ZFHX3: variants seen among roughly 807,000 people sequenced by gnomAD.
ZFHX3 encodes zinc finger homeobox protein 3.
A neutral mutation model predicts 279.1 loss-of-function variants in ZFHX3; 42 were observed. The observed-to-expected ratio is 0.15, with a 90% CI of 0.12 to 0.19. The LOEUF (loss-of-function observed/expected upper bound fraction) is 0.19, where lower values mean the gene tolerates loss of function less well. Among genes scored for constraint, ZFHX3 ranks in the 10% least tolerant of loss-of-function variants. The pLI is 1.00. For missense variants in ZFHX3, 4,981 were observed against 4,754.0 expected, an observed-to-expected ratio of 1.05 and a Z score of -1.40; for synonymous variants, 2,293 against 1,957.8, an observed-to-expected ratio of 1.17 and a Z score of -4.52.
At chr16:73,708,454 T>G (rs1239027331) in intron 1 of ZFHX3, among the ~76,000 whole-genome samples, 1 of 152,186 alleles carries the variant, frequency 6.6e-6, no homozygotes, top group Non-Finnish European at 1.5e-5. Flanking sequence ...CCAGAAATAA[T>G]TACTGGGGGT....
intron 2 of ZFHX3, among the ~76,000 whole-genome samples, chr16:73,564,907 G>C (rs1650895201): frequency 6.6e-6 from 1 of 152,202 alleles, no homozygotes; most frequent in South Asian, 2.1e-4. Flanking sequence ...AAGCAAACTG[G>C]AATAGATGGG....
intron 3 of ZFHX3, among the ~76,000 whole-genome samples, chr16:72,895,162 A>G (rs2038869014): frequency 6.6e-6 from 1 of 152,166 alleles, no homozygotes; most frequent in South Asian, 2.1e-4. Flanking sequence ...CACACACACT[A>G]TGCCCAACCC....
In ZFHX3 at chr16:72,788,602, G is replaced by C; in HGVS notation, c.9674C>G (p.Pro3225Arg). ...AAQPPPTPQL[P>R]LQQQQQRKDK... is the part of the protein sequence containing the mutation. ...CTTGCGTTGCTGCTGCTGTTGCAGT[G>C]GGAGCTGTGGTGTGGGTGGCGGCTG... The change falls in exon 10 of 10, where the codon CCA becomes CGA. Residue 3225 changes from proline (P) to arginine (R), a missense_variant. Pro to Arg is a moderately radical substitution (Grantham distance 103). Transcript: ENST00000268489. 1 of 1,613,560 alleles carries C rather than the reference G, an allele frequency of 6.2e-7. No individual in the cohort carries two copies. The highest frequency in any genetic ancestry group is 1.1e-5 in the South Asian group (1 of 91,054).
chr16:72,967,132 A>G (rs1385184664), intron 1 of ZFHX3, among the ~76,000 whole-genome samples: 1 of 152,224 alleles, frequency 6.6e-6, no homozygotes, highest in African/African-American at 2.4e-5. Flanking sequence ...TGGGGGAAAT[A>G]GGAAAAAAGA....
intron 1 of ZFHX3, among the ~76,000 whole-genome samples, chr16:73,785,746 A>G (rs769790412): frequency 5.3e-5 from 8 of 152,162 alleles, no homozygotes; most frequent in Non-Finnish European, 1.0e-4. Context: ...CAGAGCTTCT[A>G]TTGGGAAAGC....
chr16:73,045,202 A>G (rs1278264829), intron 1 of ZFHX3, among the ~76,000 whole-genome samples: 3 of 152,232 alleles, frequency 2.0e-5, no homozygotes, highest in Non-Finnish European at 4.4e-5. Flanking sequence ...CAATAAGGAC[A>G]TGTTTCCTGG....
chr16:73,384,259 A>G (rs1453135306), intron 3 of ZFHX3, among the ~76,000 whole-genome samples: 1 of 152,210 alleles, frequency 6.6e-6, no homozygotes, highest in African/African-American at 2.4e-5. Flanking sequence ...GCTGTTTTTG[A>G]GCTGTTAACA....
chr16:73,125,702 G>A (rs1262871792), intron 7 of ZFHX3, among the ~76,000 whole-genome samples: 1 of 151,998 alleles, frequency 6.6e-6, no homozygotes, highest in Non-Finnish European at 1.5e-5. Flanking sequence ...ACTTGGACTG[G>A]CTCTCCTTGC....
chr16:73,816,729 G>A (rs928302434), intron 1 of ZFHX3, among the ~76,000 whole-genome samples: 4 of 152,258 alleles, frequency 2.6e-5, no homozygotes, highest in African/African-American at 7.2e-5. Flanking sequence ...TTGGGCAATC[G>A]AATGGATTCA....
intron 8 of ZFHX3, among the ~76,000 whole-genome samples, chr16:73,088,333 C>T (rs72795162): frequency 0.1 from 15,808 of 151,008 alleles, 1,059 homozygotes; most frequent in Middle Eastern, 0.17. Context: ...TTGTATTTTT[C>T]GTAGAGATGG....
chr16:73,655,875 C>A (rs547868120), intron 2 of ZFHX3, among the ~76,000 whole-genome samples: 199 of 152,292 alleles, frequency 1.3e-3, no homozygotes, highest in Non-Finnish European at 2.0e-3. Flanking sequence ...GGTACATCCA[C>A]TCTAGAGAAA....
chr16:73,190,697 C>A (rs991142296), intron 5 of ZFHX3, among the ~76,000 whole-genome samples: 1 of 152,156 alleles, frequency 6.6e-6, no homozygotes, highest in Non-Finnish European at 1.5e-5. Flanking sequence ...CTTGTTGTGG[C>A]TGATGAAATG....
At position 73,169,742 on chromosome 16, in the gene ZFHX3, G is replaced by T. The variant is rs115593015; in HGVS notation, c.-1103-25911C>A. On this transcript the variant is annotated intron_variant, in intron 5 of 17. Transcript: ENST00000641206. Reference sequence around the variant, plus strand: ...TGAAATATTTCAGTAAAGTATCAAGGTTATGCCCAGTATGGTGGAGACGCA... The same window carrying T: ...TGAAATATTTCAGTAAAGTATCAAGTTTATGCCCAGTATGGTGGAGACGCA... Among the ~76,000 whole-genome samples, 909 of 152,188 alleles carry T rather than the reference G, an allele frequency of 6.0e-3. 10 individuals carry two copies. The highest frequency in any genetic ancestry group is 0.021 in the African/African-American group (864 of 41,538).
intron 4 of ZFHX3, among the ~76,000 whole-genome samples, chr16:72,883,621 CAT>C (rs2038550683): frequency 2.6e-5 from 4 of 152,220 alleles, no homozygotes; most frequent in Admixed American, 2.6e-4. Context: ...GTTCTCTTTT[CAT>C]GTTCATACAT....
intron 1 of ZFHX3, among the ~76,000 whole-genome samples, chr16:73,842,428 TAGAC>T (rs1961334767): frequency 6.6e-6 from 1 of 151,990 alleles, no homozygotes; most frequent in Admixed American, 6.6e-5. Context: ...TCTGCTGACT[TAGAC>T]AGGTAAACCA....
At chr16:73,831,108 A>G (rs1405365336) in intron 1 of ZFHX3, among the ~76,000 whole-genome samples, 1 of 152,222 alleles carries the variant, frequency 6.6e-6, no homozygotes, top group Non-Finnish European at 1.5e-5. Flanking sequence ...AACCATAAAA[A>G]TCTACAAACA....
chr16:73,536,823 G>A (rs1262816996), intron 2 of ZFHX3, among the ~76,000 whole-genome samples: 2 of 152,070 alleles, frequency 1.3e-5, no homozygotes, highest in Non-Finnish European at 2.9e-5. Context: ...GAACTAATCT[G>A]CTGTTATTAA....
intron 1 of ZFHX3, among the ~76,000 whole-genome samples, chr16:73,009,147 TA>T (rs1325551570): frequency 6.6e-6 from 1 of 152,162 alleles, no homozygotes; most frequent in African/African-American, 2.4e-5. Flanking sequence ...TTAATTGAAT[TA>T]ACTTGTGCTT....
chr16:73,295,029 A>G (rs8046899), intron 4 of ZFHX3, among the ~76,000 whole-genome samples: 2 of 151,852 alleles, frequency 1.3e-5, no homozygotes, highest in Non-Finnish European at 2.9e-5. Flanking sequence ...CTGGCTAACA[A>G]GGTGAAACCA....
Sources: allele counts gnomAD v4.1 joint callset (sites outside exome capture counted in the v4.1 genomes callset), GRCh38; gene constraint gnomAD v4.1.1; transcripts MANE v1.5; gene names NCBI Gene and HGNC (gene_info 2026-07-23, HGNC 2026-07-21).